OOSP3: variants seen among roughly 807,000 people sequenced by gnomAD.
OOSP3 encodes oocyte secreted protein family member 3, also known as oocyte-secreted protein 3.
chr11:59,879,019 G>A (rs529603925), intron 1 of OOSP3, 138 bp downstream of exon 1: 25 of 396,222 alleles, frequency 6.3e-5, no homozygotes, highest in Admixed American at 5.7e-4. Flanking sequence ...GCTTTCTCTT[G>A]TTTGCTCTCT....
intron 2 of OOSP3, among the ~76,000 whole-genome samples, chr11:59,881,185 G>T (rs1479517605): frequency 6.6e-6 from 1 of 151,628 alleles, no homozygotes; most frequent in Non-Finnish European, 1.5e-5. Context: ...ATGGTGAAAT[G>T]CTGTCTCTAC....
intron 2 of OOSP3, among the ~76,000 whole-genome samples, chr11:59,890,886 TC>T (rs1240407963): frequency 6.6e-6 from 1 of 152,236 alleles, no homozygotes; most frequent in East Asian, 1.9e-4. Flanking sequence ...CAAACTTGGT[TC>T]CATCTTCCCT....
chr11:59,883,656 CAAAAT>C (rs1192380191), intron 2 of OOSP3, among the ~76,000 whole-genome samples: 1 of 152,136 alleles, frequency 6.6e-6, no homozygotes, highest in African/African-American at 2.4e-5. Flanking sequence ...ATTTGTGAAA[CAAAAT>C]ATATGGTGCT....
At chr11:59,893,345 C>G (rs962236008) in intron 2 of OOSP3, among the ~76,000 whole-genome samples, 3 of 151,918 alleles carry the variant, frequency 2.0e-5, no homozygotes, top group African/African-American at 7.3e-5. Flanking sequence ...AATCTTTGAC[C>G]ATAACTGTAG....
At chr11:59,891,890 G>C (rs1259370108) in intron 2 of OOSP3, among the ~76,000 whole-genome samples, 1 of 152,200 alleles carries the variant, frequency 6.6e-6, no homozygotes, top group South Asian at 2.1e-4. Context: ...CAGACTGCAG[G>C]CTGCTGTGCT....
intron 2 of OOSP3, among the ~76,000 whole-genome samples, chr11:59,890,427 T>A (rs1388548425): frequency 6.6e-6 from 1 of 152,212 alleles, no homozygotes; most frequent in African/African-American, 2.4e-5. Context: ...GTTTTTCCTT[T>A]CCATGTTTAA....
intron 2 of OOSP3, among the ~76,000 whole-genome samples, chr11:59,881,639 A>G (rs1005683648): frequency 2.0e-5 from 3 of 152,182 alleles, no homozygotes; most frequent in Non-Finnish European, 2.9e-5. Context: ...ATATTTTGGG[A>G]GGCCGAGGCA....
intron 2 of OOSP3, among the ~76,000 whole-genome samples, chr11:59,884,398 T>G (rs1853229772): frequency 6.6e-6 from 1 of 152,162 alleles, no homozygotes; most frequent in South Asian, 2.1e-4. Context: ...GTAATAGTTT[T>G]TTTTTTTGGG....
intron 2 of OOSP3, among the ~76,000 whole-genome samples, chr11:59,892,250 C>T (rs1373767320): frequency 1.3e-5 from 2 of 152,152 alleles, no homozygotes; most frequent in South Asian, 2.1e-4. Context: ...AATCTCTCAC[C>T]GCCTCCCTTG....
intron 2 of OOSP3, among the ~76,000 whole-genome samples, chr11:59,890,036 T>G (rs1853296592): frequency 1.3e-5 from 2 of 152,228 alleles, no homozygotes; most frequent in African/African-American, 2.4e-5. Context: ...TGTAATGACC[T>G]TCTTTGTCTT....
intron 2 of OOSP3, among the ~76,000 whole-genome samples, chr11:59,887,127 T>G (rs147665204): frequency 0.027 from 4,151 of 151,750 alleles, 200 homozygotes; most frequent in African/African-American, 0.092. Context: ...TTTTGTTGTT[T>G]TTTTTTTTGT....
At chr11:59,890,981 CTTT>C (rs1337445515) in intron 2 of OOSP3, among the ~76,000 whole-genome samples, 1 of 152,082 alleles carries the variant, frequency 6.6e-6, no homozygotes, top group African/African-American at 2.4e-5. Context: ...TCTTTTCATT[CTTT>C]TTTCTCTAAT....
chr11:59,880,502 G>T (rs1036781974), intron 2 of OOSP3, 63 bp downstream of exon 2: 6 of 397,826 alleles, frequency 1.5e-5, no homozygotes, highest in African/African-American at 2.1e-5. Flanking sequence ...CAGTAGTACT[G>T]TGTGTACTGT....
chr11:59,895,987 T>G (rs1853353817), intron 4 of OOSP3, 146 bp from the exon 5 acceptor site: 1 of 395,762 alleles, frequency 2.5e-6, no homozygotes, highest in Non-Finnish European at 4.4e-6. Context: ...TTTTCAACTC[T>G]TTCAACCCTT....
At chr11:59,879,773 G>T (rs1359234267) in intron 1 of OOSP3, among the ~76,000 whole-genome samples, 1 of 152,112 alleles carries the variant, frequency 6.6e-6, no homozygotes, top group Non-Finnish European at 1.5e-5. Flanking sequence ...CATCTTATTG[G>T]CAGGTCTAGC....
At chr11:59,879,035 C>G (rs1283803795) in intron 1 of OOSP3, among the ~76,000 whole-genome samples, 154 bp downstream of exon 1, 4 of 152,048 alleles carry the variant, frequency 2.6e-5, no homozygotes, top group Non-Finnish European at 5.9e-5. Context: ...TCTCTACCAC[C>G]CCGCAAAGCA....
At position 59,878,965 on chromosome 11, in the gene OOSP3, G is replaced by A. The variant is rs182853813; in HGVS notation, c.73+84G>A. The A allele has an allele frequency of 6.0e-4, 239 of 397,752 alleles. 2 individuals carry two copies. Among genetic ancestry groups the A allele is most frequent in the African/African-American group, 4.0e-3 (197 of 48,700 alleles). The allele number at this position is 397,752 out of a possible 1,614,324, so 24.6% of individuals were successfully genotyped here. On this transcript the variant is annotated intron_variant, in intron 1 of 4. Transcript: ENST00000646438. ...CTTTTACTGTTTGCTGTTTTGAGTG[G>A]AAGTGACTTTCCAGTATAGTTTTCT...
intron 4 of OOSP3, 32 bp downstream of exon 4, chr11:59,895,684 A>G (rs1853350058): frequency 2.5e-6 from 1 of 398,168 alleles, no homozygotes; most frequent in Non-Finnish European, 4.4e-6. Flanking sequence ...AAAACATGGC[A>G]GTGTCCATGT....
At chr11:59,892,196 G>A (rs958766859) in intron 2 of OOSP3, among the ~76,000 whole-genome samples, 1 of 152,192 alleles carries the variant, frequency 6.6e-6, no homozygotes, top group African/African-American at 2.4e-5. Flanking sequence ...TCTGTGGGTT[G>A]TAAAAATCCA....
Sources: gnomAD v4.1 joint callset for allele counts (sites outside exome capture counted in the v4.1 genomes callset) on GRCh38, gnomAD v4.1.1 for gene constraint, MANE v1.5 for transcripts, NCBI Gene and HGNC (gene_info 2026-07-23, HGNC 2026-07-21) for gene names.